The following ELFN1 variants were observed in gnomAD, a reference collection of about 807,000 sequenced individuals.
The protein encoded by ELFN1 is extracellular leucine rich repeat and fibronectin type III domain containing 1, also known as protein ELFN1.
ELFN1 carries 6 observed loss-of-function variants against 7.6 expected under a neutral mutation model. The ratio of observed to expected loss-of-function variants is 0.79; its 90% CI spans 0.43 to 1.56. The LOEUF is 1.56. Among genes scored for constraint, ELFN1 ranks in the 40% most tolerant of loss-of-function variants. The pLI, the probability that ELFN1 is intolerant of heterozygous loss-of-function variation, is 0.01. For synonymous variants in ELFN1, 657 were observed against 588.1 expected (o/e 1.12, Z -1.70); for missense variants, 1,169 against 1,232.2 (o/e 0.95, Z 0.77).
At chr7:1,722,370 G>A (rs1285254137) in intron 3 of ELFN1, among the ~76,000 whole-genome samples, 19 of 151,106 alleles carry the variant, frequency 1.3e-4, no homozygotes, top group South Asian at 2.1e-4. Flanking sequence ...GGATTCAAGC[G>A]ATTCTCCTGC....
intron 2 of ELFN1, among the ~76,000 whole-genome samples, 161 bp from the exon 3 acceptor site, chr7:1,708,930 C>T (rs1297208917): frequency 1.3e-5 from 2 of 152,176 alleles, no homozygotes; most frequent in Non-Finnish European, 2.9e-5. Context: ...CAGGAAGTCC[C>T]CAGCCTCTCT....
rs1278595640 is a variant in ELFN1, at chr7:1,695,719, G to A, written c.-456+7569G>A. Among the ~76,000 whole-genome samples, 1 of 131,594 alleles carries A rather than the reference G, an allele frequency of 7.6e-6. No homozygotes were observed. Among genetic ancestry groups the A allele is most frequent in the Non-Finnish European group, 1.5e-5 (1 of 65,202 alleles). The allele number at this position is 131,594 out of a possible 152,430, so 86.3% of individuals were successfully genotyped here. On this transcript the variant is annotated intron_variant, in intron 2 of 3. Coordinates refer to ENST00000424383, the MANE Select transcript of ELFN1 (RefSeq NM_001128636.4). This position sits in a 1 kb window ranked among gnomAD's most constrained non-coding sequence, Gnocchi z 5.1. ...GCCGAGATCGCGCCACTGCACTGCA[G>A]CCTGGGTGACAGAGCGAGACTCCGT...
intron 3 of ELFN1, among the ~76,000 whole-genome samples, chr7:1,710,408 A>T (rs1216551760): frequency 6.6e-6 from 1 of 152,180 alleles, no homozygotes. Flanking sequence ...CTGGGGAGGG[A>T]TCCCAAAGGA....
intron 2 of ELFN1, among the ~76,000 whole-genome samples, chr7:1,698,169 G>A (rs1280935610): frequency 6.6e-6 from 1 of 152,014 alleles, no homozygotes; most frequent in Non-Finnish European, 1.5e-5. Flanking sequence ...ATTTTTAGCC[G>A]ATTAGATTCC....
chr7:1,713,572 A>G (rs1001134745), intron 3 of ELFN1, among the ~76,000 whole-genome samples: 1 of 152,188 alleles, frequency 6.6e-6, no homozygotes, highest in Admixed American at 6.5e-5. Context: ...GCTCTCTGGT[A>G]TCCTGTGACC....
At chr7:1,738,475 C>T (rs963994369) in intron 3 of ELFN1, among the ~76,000 whole-genome samples, 2 of 152,154 alleles carry the variant, frequency 1.3e-5, no homozygotes, top group African/African-American at 4.8e-5. Flanking sequence ...TCGTGACATA[C>T]ACCTGTAATC....
chr7:1,685,669 T>C (rs1468142765), intron 1 of ELFN1, among the ~76,000 whole-genome samples: 1 of 151,720 alleles, frequency 6.6e-6, no homozygotes, highest in African/African-American at 2.4e-5. Flanking sequence ...GTCTCTTCAT[T>C]GAGGTTTTGT....
chr7:1,744,019 C>T (rs1488728287), intron 3 of ELFN1, among the ~76,000 whole-genome samples: 1 of 152,160 alleles, frequency 6.6e-6, no homozygotes, highest in Non-Finnish European at 1.5e-5. Context: ...GCAGGCAGTG[C>T]CCCGTCCATT....
At chr7:1,719,163 A>ACCAACAGGGCCCCG (rs1779929282) in intron 3 of ELFN1, among the ~76,000 whole-genome samples, 2 of 139,068 alleles carry the variant, frequency 1.4e-5, no homozygotes, top group African/African-American at 6.2e-5. Flanking sequence ...GGCCCCGCCC[A>ACCAACAGGGCCCCG]CCAACAGGGC....
chr7:1,738,188 A>T (rs115162930), intron 3 of ELFN1, among the ~76,000 whole-genome samples: 282 of 151,964 alleles, frequency 1.9e-3, no homozygotes, highest in African/African-American at 6.4e-3. Context: ...GCGTGGTCCC[A>T]TGTCCCATGG....
chr7:1,742,956 C>G (rs761471632), intron 3 of ELFN1, among the ~76,000 whole-genome samples: 36 of 152,252 alleles, frequency 2.4e-4, no homozygotes, highest in Admixed American at 3.9e-4. Flanking sequence ...GGCCACGGCT[C>G]GGTGACAGAG....
At chr7:1,737,290 C>T (rs992519064) in intron 3 of ELFN1, among the ~76,000 whole-genome samples, 11 of 152,134 alleles carry the variant, frequency 7.2e-5, no homozygotes, top group African/African-American at 1.7e-4. Flanking sequence ...CCTTCAGGGG[C>T]CCCGTGGTTC....
chr7:1,743,067 C>G (rs1174812855), intron 3 of ELFN1, among the ~76,000 whole-genome samples: 1 of 139,766 alleles, frequency 7.2e-6, no homozygotes, highest in African/African-American at 2.8e-5. Context: ...ACCAGGGGCC[C>G]CCTTATCTCG....
At chr7:1,710,722 C>T (rs1368960033) in intron 3 of ELFN1, among the ~76,000 whole-genome samples, 1 of 152,242 alleles carries the variant, frequency 6.6e-6, no homozygotes, top group East Asian at 1.9e-4. Flanking sequence ...CCCACAAAGG[C>T]TGGCAGGTGA....
At chr7:1,715,001 G>A (rs764326029) in intron 3 of ELFN1, among the ~76,000 whole-genome samples, 16 of 152,174 alleles carry the variant, frequency 1.1e-4, no homozygotes, top group African/African-American at 1.4e-4. Flanking sequence ...TCTGGCCATC[G>A]TATCTGCATC....
At chr7:1,741,866 C>T (rs1400592858) in intron 3 of ELFN1, among the ~76,000 whole-genome samples, 2 of 152,186 alleles carry the variant, frequency 1.3e-5, no homozygotes, top group African/African-American at 4.8e-5. Flanking sequence ...GACAGGGGGT[C>T]CTCAGTGACA....
Position 1,737,876 on chromosome 7 carries a change from C to T in ELFN1, c.-293-6428C>T, listed in dbSNP as rs566518534. 2.8e-4 allele frequency among the ~76,000 whole-genome samples: 43 copies of T among 152,312 alleles called. No homozygotes were observed. The South Asian group carries it at 2.9e-3, about 10-fold the overall frequency. ...AGTCTGACCCCGTTCTCTGTTCTCC[C>T]GGCTTCTGTGTCTGTCCCCCTGATC... On this transcript the variant is annotated intron_variant, in intron 3 of 3. Transcript: ENST00000424383.
At chr7:1,723,264 T>C (rs555826325) in intron 3 of ELFN1, among the ~76,000 whole-genome samples, 1 of 152,182 alleles carries the variant, frequency 6.6e-6, no homozygotes, top group Non-Finnish European at 1.5e-5. Context: ...CAGCACGCGG[T>C]TCAGTGGTGT....
chr7:1,666,128 C>T (rs552997504), upstream of ELFN1, among the ~76,000 whole-genome samples: 430 of 152,166 alleles, frequency 2.8e-3, 1 homozygote, highest in Admixed American at 7.6e-3. The surrounding 1 kb of genome is among the most constrained non-coding windows in gnomAD (Gnocchi z 7.9). Flanking sequence ...GCTCTGCTCG[C>T]CCGCGACAGT....
Sources: gnomAD v4.1 joint callset for allele counts (sites outside exome capture counted in the v4.1 genomes callset) on GRCh38, gnomAD v4.1.1 for gene constraint, Gnocchi (gnomAD v3.1) non-coding constraint, MANE v1.5 for transcripts, NCBI Gene and HGNC (gene_info 2026-07-23, HGNC 2026-07-21) for gene names.